Variants in ZNF385D observed in about 807,000 individuals in gnomAD.
ZNF385D encodes the protein zinc finger protein 385D.
ZNF385D carries 15 observed loss-of-function variants against 35.8 expected under a neutral mutation model. The ratio of observed to expected loss-of-function variants is 0.42; its 90% CI spans 0.28 to 0.64. ZNF385D has a LOEUF of 0.64. Ranked by LOEUF, ZNF385D falls within the 30% of genes least tolerant of loss-of-function variation. The pLI, the probability that ZNF385D is intolerant of heterozygous loss-of-function variation, is 0.23. For synonymous variants in ZNF385D, 212 were observed against 186.8 expected (o/e 1.13, Z -1.10); for missense variants, 474 against 494.6 (o/e 0.96, Z 0.39).
intron 2 of ZNF385D, among the ~76,000 whole-genome samples, chr3:22,280,484 T>C (rs962010496): frequency 7.2e-5 from 11 of 152,124 alleles, no homozygotes; most frequent in African/African-American, 2.6e-4. Flanking sequence ...TTCTTCTACA[T>C]GTGGCTTGCC....
intron 3 of ZNF385D, among the ~76,000 whole-genome samples, chr3:21,978,991 T>C (rs1007979528): frequency 3.3e-5 from 5 of 152,194 alleles, no homozygotes; most frequent in African/African-American, 1.2e-4. Context: ...ATTTGCTCAG[T>C]ATGCAGCTTC....
chr3:22,359,815 A>T (rs905789172), intron 2 of ZNF385D, among the ~76,000 whole-genome samples: 5 of 151,976 alleles, frequency 3.3e-5, no homozygotes, highest in African/African-American at 1.2e-4. Context: ...AACATATATA[A>T]ACAAATGAAT....
chr3:22,155,635 C>G (rs149650636), intron 3 of ZNF385D, among the ~76,000 whole-genome samples: 7 of 152,128 alleles, frequency 4.6e-5, no homozygotes, highest in African/African-American at 1.7e-4. Context: ...CTGATTGTCT[C>G]AAATGTAAGA....
chr3:21,969,579 G>A (rs1335573079), intron 3 of ZNF385D, among the ~76,000 whole-genome samples: 1 of 152,148 alleles, frequency 6.6e-6, no homozygotes, highest in African/African-American at 2.4e-5. Flanking sequence ...TTGACTCCAG[G>A]CCCTGGTCCT....
chr3:21,732,875 C>A (rs1019264328), intron 1 of ZNF385D, among the ~76,000 whole-genome samples: 9 of 152,134 alleles, frequency 5.9e-5, no homozygotes, highest in Non-Finnish European at 2.9e-5. Context: ...TCTTTCACAG[C>A]AGAATGTTTA....
chr3:21,943,554 T>A (rs1010771338), intron 3 of ZNF385D, among the ~76,000 whole-genome samples: 1 of 150,754 alleles, frequency 6.6e-6, no homozygotes, highest in Non-Finnish European at 1.5e-5. Flanking sequence ...ACAGTATAGA[T>A]TAAATTATAA....
chr3:21,875,627 T>C (rs1697923885), intron 3 of ZNF385D, among the ~76,000 whole-genome samples: 1 of 152,150 alleles, frequency 6.6e-6, no homozygotes, highest in African/African-American at 2.4e-5. Flanking sequence ...CATTTGAGTC[T>C]CATCTTTCCT....
intron 1 of ZNF385D, among the ~76,000 whole-genome samples, chr3:21,667,013 G>A (rs981490551): frequency 6.6e-6 from 1 of 152,104 alleles, no homozygotes; most frequent in African/African-American, 2.4e-5. Context: ...GGAGGCAGAG[G>A]TTGCAGTAAG....
chr3:21,903,033 G>A (rs1575874587), intron 3 of ZNF385D, among the ~76,000 whole-genome samples: 1 of 152,014 alleles, frequency 6.6e-6, no homozygotes, highest in African/African-American at 2.4e-5. Flanking sequence ...CTGAGTTTCT[G>A]GCATGGTGAT....
intron 1 of ZNF385D, among the ~76,000 whole-genome samples, chr3:21,706,503 T>C (rs140414762): frequency 6.6e-6 from 1 of 152,294 alleles, no homozygotes; most frequent in Non-Finnish European, 1.5e-5. Flanking sequence ...GTGAAAATTG[T>C]AAGAGCTTTT....
At chr3:21,458,908 G>A (rs958090162) in intron 4 of ZNF385D, among the ~76,000 whole-genome samples, 7 of 152,084 alleles carry the variant, frequency 4.6e-5, no homozygotes, top group African/African-American at 1.7e-4. Context: ...ACTAAAACCA[G>A]TTAATTGTAC....
chr3:21,694,200 C>A (rs1231918393), intron 1 of ZNF385D, among the ~76,000 whole-genome samples: 2 of 151,702 alleles, frequency 1.3e-5, no homozygotes, highest in East Asian at 1.9e-4. Flanking sequence ...CCCGCCACCA[C>A]GCCCGGCTAA....
intron 3 of ZNF385D, among the ~76,000 whole-genome samples, chr3:22,105,774 C>A (rs1311534039): frequency 6.6e-6 from 1 of 152,136 alleles, no homozygotes; most frequent in Non-Finnish European, 1.5e-5. Flanking sequence ...CTGCTTTACT[C>A]AGTCCAATTC....
At chr3:22,165,313 T>C (rs971208261) in intron 3 of ZNF385D, among the ~76,000 whole-genome samples, 3 of 152,168 alleles carry the variant, frequency 2.0e-5, no homozygotes, top group Non-Finnish European at 2.9e-5. Flanking sequence ...AACTATTCTT[T>C]AAAAATAGTC....
chr3:21,669,632 G>A (rs1273642224), intron 1 of ZNF385D, among the ~76,000 whole-genome samples: 3 of 152,148 alleles, frequency 2.0e-5, no homozygotes, highest in Admixed American at 2.0e-4. Context: ...CTCTAAACCA[G>A]TGGTTGTCAG....
chr3:21,864,920 T>C, intron 3 of ZNF385D, among the ~76,000 whole-genome samples: 1 of 150,570 alleles, frequency 6.6e-6, no homozygotes, highest in African/African-American at 2.4e-5. Flanking sequence ...TAGTGCTACT[T>C]ACCAAATAGT....
chr3:21,655,974 A>AT (rs969138132), intron 2 of ZNF385D, among the ~76,000 whole-genome samples: 23 of 151,790 alleles, frequency 1.5e-4, no homozygotes, highest in South Asian at 4.1e-4. Context: ...TGATCAATAC[A>AT]TTTTTTTTCC....
At chr3:22,084,961 G>C (rs143090001) in intron 3 of ZNF385D, among the ~76,000 whole-genome samples, 1,611 of 152,270 alleles carry the variant, frequency 0.011, 27 homozygotes, top group African/African-American at 0.037. Context: ...TGAACAACCT[G>C]CTCCTGAATG....
At chr3:21,922,973 G>A (rs1168866583) in intron 3 of ZNF385D, among the ~76,000 whole-genome samples, 1 of 152,110 alleles carries the variant, frequency 6.6e-6, no homozygotes, top group Admixed American at 6.5e-5. Context: ...ATGGGCAAAA[G>A]ACATGAACAT....
Sources: allele counts gnomAD v4.1 joint callset (sites outside exome capture counted in the v4.1 genomes callset), GRCh38; gene constraint gnomAD v4.1.1; transcripts MANE v1.5; gene names NCBI Gene and HGNC (gene_info 2026-07-23, HGNC 2026-07-21).